The following RNF130 variants were observed in gnomAD, a reference collection of about 807,000 sequenced individuals.
RNF130 encodes ring finger protein 130.
Under a neutral mutation model 44.6 loss-of-function variants are expected in RNF130, and 21 were observed. The ratio of observed to expected loss-of-function variants is 0.47; its 90% CI spans 0.33 to 0.68. RNF130 has a LOEUF of 0.68. Ranked by LOEUF, RNF130 falls within the 30% of genes least tolerant of loss-of-function variation. The pLI is 0.02. For synonymous variants in RNF130, 214 were observed against 210.4 expected (o/e 1.02, Z -0.15); for missense variants, 479 against 560.6 (o/e 0.85, Z 1.47).
intron 3 of RNF130, among the ~76,000 whole-genome samples, chr5:180,009,043 TAAA>T (rs2113076384): frequency 6.6e-6 from 1 of 152,288 alleles, no homozygotes; most frequent in African/African-American, 2.4e-5. Flanking sequence ...GGCATAGCCT[TAAA>T]GAAGTGCTGA....
chr5:179,963,689 G>T, intron 7 of RNF130, 125 bp from the exon 8 acceptor site: 1 of 706,730 alleles, frequency 1.4e-6, no homozygotes. Flanking sequence ...TTGGCCCAAG[G>T]AAGTGAAGCA....
intron 5 of RNF130, among the ~76,000 whole-genome samples, chr5:179,971,246 G>A (rs766275883): frequency 9.2e-5 from 14 of 152,212 alleles, no homozygotes; most frequent in Admixed American, 2.0e-4. Context: ...TCTAGCACCC[G>A]GCCCAGCAGC....
At chr5:179,990,284 G>A (rs1162754690) in intron 3 of RNF130, among the ~76,000 whole-genome samples, 1 of 152,228 alleles carries the variant, frequency 6.6e-6, no homozygotes, top group Non-Finnish European at 1.5e-5. Context: ...CCACTGGACA[G>A]GGGGCCCTTC....
At chr5:179,992,221 A>G (rs1763099745) in intron 3 of RNF130, among the ~76,000 whole-genome samples, 1 of 152,180 alleles carries the variant, frequency 6.6e-6, no homozygotes. Context: ...GGCTCACTGT[A>G]AACTCTGCCT....
At chr5:180,055,455 T>TGTGC (rs751169060) in intron 1 of RNF130, among the ~76,000 whole-genome samples, 16,084 of 146,430 alleles carry the variant, frequency 0.11, 937 homozygotes, top group East Asian at 0.23. Context: ...TGTGTGTGCG[T>TGTGC]GTGTGTGTGT....
chr5:180,019,554 G>T (rs1290443614), intron 2 of RNF130, among the ~76,000 whole-genome samples: 1 of 152,140 alleles, frequency 6.6e-6, no homozygotes, highest in Non-Finnish European at 1.5e-5. Flanking sequence ...CTGACTTAAT[G>T]AAAGTCCTTC....
At chr5:179,947,890 G>C (rs1427447329) in intron 7 of RNF130, among the ~76,000 whole-genome samples, 1 of 151,812 alleles carries the variant, frequency 6.6e-6, no homozygotes, top group Non-Finnish European at 1.5e-5. Context: ...GACCATATAT[G>C]CATGTAAGAA....
intron 1 of RNF130, among the ~76,000 whole-genome samples, chr5:180,063,429 G>A (rs142675393): frequency 2.6e-4 from 40 of 152,310 alleles, no homozygotes; most frequent in African/African-American, 9.6e-4. Flanking sequence ...CATTTATTGA[G>A]ATGGGAAAGA....
intron 5 of RNF130, among the ~76,000 whole-genome samples, chr5:179,973,647 C>G (rs1762639446): frequency 6.6e-6 from 1 of 152,196 alleles, no homozygotes; most frequent in Admixed American, 6.5e-5. Context: ...CTCACCCTCA[C>G]TATGGCTCTG....
rs148970164 is a variant in RNF130 at position 179,977,710 on chromosome 5, G to A, written c.848+493C>T. Among the ~76,000 whole-genome samples, 593 of 152,206 alleles carry A rather than the reference G, an allele frequency of 3.9e-3. 4 individuals are homozygous for A. Among genetic ancestry groups the A allele is most frequent in the Middle Eastern group, 0.014 (4 of 294 alleles). ...CTACTAAAAATACAAAAATTATCTGGGCATGGTGGTGGGTACCTGTAGTCC... is the reference window on the plus strand; with the variant it reads ...CTACTAAAAATACAAAAATTATCTGAGCATGGTGGTGGGTACCTGTAGTCC... On this transcript the variant is annotated intron_variant, in intron 5 of 8. Coordinates refer to ENST00000521389, the MANE Select transcript of RNF130 (RefSeq NM_018434.6). This position sits in a 1 kb window ranked among gnomAD's most constrained non-coding sequence, Gnocchi z 4.1.
chr5:180,013,962 G>A (rs1763655388), intron 2 of RNF130, among the ~76,000 whole-genome samples: 1 of 152,176 alleles, frequency 6.6e-6, no homozygotes, highest in South Asian at 2.1e-4. Context: ...ACTAACTTGG[G>A]TCTTATGTCC....
chr5:180,043,789 C>G (rs1287016092), intron 1 of RNF130, among the ~76,000 whole-genome samples: 1 of 151,890 alleles, frequency 6.6e-6, no homozygotes, highest in African/African-American at 2.4e-5. Context: ...TCCTGTTTCC[C>G]AAAATTCATC....
At chr5:179,942,525 A>G (rs574538448) in intron 7 of RNF130, among the ~76,000 whole-genome samples, 40 of 152,326 alleles carry the variant, frequency 2.6e-4, no homozygotes, top group African/African-American at 9.4e-4. Context: ...AGTAAGTGGA[A>G]GCCCAGCTGA....
exon 8 of RNF130, chr5:179,913,483 G>C (rs543273574): frequency 6.6e-6 from 1 of 152,134 alleles, no homozygotes; most frequent in Non-Finnish European, 1.5e-5. Flanking sequence ...TGCAGGTGAC[G>C]ACCGGGCGGC....
chr5:180,027,175 T>C (rs1167952636), intron 2 of RNF130, among the ~76,000 whole-genome samples: 1 of 151,862 alleles, frequency 6.6e-6, no homozygotes, highest in East Asian at 1.9e-4. Context: ...TCTGGGTCCA[T>C]CCCTTGAGAC....
In RNF130 at chr5:179,995,646, C is replaced by T. The variant is rs114330569; in HGVS notation, c.694-15446G>A. Among the ~76,000 whole-genome samples the T allele has an allele frequency of 4.5e-3, 682 of 152,324 alleles. 6 individuals carry two copies. Among genetic ancestry groups the T allele is most frequent in the African/African-American group, 0.015 (639 of 41,574 alleles). Reference sequence around the variant, plus strand: ...CTTCTCAATGTCTCTCAGCTACTCCCTAAGTAAGATCCAGGGCTTGGGAAG... The same window carrying T: ...CTTCTCAATGTCTCTCAGCTACTCCTTAAGTAAGATCCAGGGCTTGGGAAG... On this transcript the variant is annotated intron_variant, in intron 3 of 8. Transcript: ENST00000521389.
At chr5:179,982,001 C>T (rs1762851125) in intron 3 of RNF130, among the ~76,000 whole-genome samples, 1 of 152,156 alleles carries the variant, frequency 6.6e-6, no homozygotes. Flanking sequence ...AACCTAACTA[C>T]AATCAAGACA....
intron 2 of RNF130, among the ~76,000 whole-genome samples, chr5:180,037,125 T>G (rs1000177074): frequency 5.9e-5 from 9 of 152,236 alleles, no homozygotes; most frequent in African/African-American, 2.2e-4. Flanking sequence ...GACAGTTAAC[T>G]GCTGCATAAA....
At chr5:179,930,220 G>C (rs1761788074) in intron 7 of RNF130, among the ~76,000 whole-genome samples, 1 of 151,986 alleles carries the variant, frequency 6.6e-6, no homozygotes, top group East Asian at 1.9e-4. Context: ...ACCACACCCG[G>C]CTAATTTTTG....
Sources: allele counts gnomAD v4.1 joint callset (sites outside exome capture counted in the v4.1 genomes callset), GRCh38; gene constraint gnomAD v4.1.1; non-coding constraint Gnocchi (gnomAD v3.1); transcripts MANE v1.5; gene names NCBI Gene and HGNC (gene_info 2026-07-23, HGNC 2026-07-21).